The following KCNIP4 variants were observed in gnomAD, a reference collection of about 807,000 sequenced individuals.
KCNIP4 encodes Kv channel-interacting protein 4.
KCNIP4 carries 12 observed loss-of-function variants against 34.0 expected under a neutral mutation model. The ratio of observed to expected loss-of-function variants is 0.35; its 90% CI spans 0.23 to 0.57. The LOEUF is 0.57. Among genes scored for constraint, KCNIP4 ranks in the 20% least tolerant of loss-of-function variants. The pLI is 0.83. For synonymous variants in KCNIP4, 124 were observed against 102.2 expected (o/e 1.21, Z -1.29); for missense variants, 238 against 311.7 (o/e 0.76, Z 1.78).
At chr4:21,554,684 G>A (rs954992398) in intron 1 of KCNIP4, among the ~76,000 whole-genome samples, 4 of 151,954 alleles carry the variant, frequency 2.6e-5, no homozygotes, top group Admixed American at 6.6e-5. Flanking sequence ...CTTGTCCCTG[G>A]TTTGTGTCAC....
At chr4:20,822,351 A>G (rs940785297) in intron 3 of KCNIP4, among the ~76,000 whole-genome samples, 1 of 152,232 alleles carries the variant, frequency 6.6e-6, no homozygotes, top group African/African-American at 2.4e-5. Context: ...AGGGAAATGC[A>G]GACTAAAACC....
chr4:21,093,907 C>A (rs2109050733), intron 1 of KCNIP4, among the ~76,000 whole-genome samples: 1 of 152,016 alleles, frequency 6.6e-6, no homozygotes, highest in Non-Finnish European at 1.5e-5. Context: ...ACGGTTAAAC[C>A]CCATCTCTAC....
intron 1 of KCNIP4, among the ~76,000 whole-genome samples, chr4:21,390,686 T>C (rs978993639): frequency 2.1e-4 from 32 of 152,338 alleles, no homozygotes; most frequent in African/African-American, 7.7e-4. Flanking sequence ...ACCAGTACCA[T>C]GCTGTTTTGG....
intron 1 of KCNIP4, among the ~76,000 whole-genome samples, chr4:20,952,981 A>G (rs2149644030): frequency 6.6e-6 from 1 of 152,350 alleles, no homozygotes; most frequent in South Asian, 2.1e-4. Context: ...TAATAAGGGC[A>G]CTAATCCCAT....
chr4:21,535,228 T>C (rs780398770), intron 1 of KCNIP4, among the ~76,000 whole-genome samples: 5 of 152,212 alleles, frequency 3.3e-5, no homozygotes, highest in African/African-American at 9.7e-5. Context: ...CCAAAATCTA[T>C]AATTTTAATA....
At chr4:21,882,808 G>C (rs1031781855) in intron 1 of KCNIP4, among the ~76,000 whole-genome samples, 1 of 152,148 alleles carries the variant, frequency 6.6e-6, no homozygotes, top group Non-Finnish European at 1.5e-5. Flanking sequence ...ATCCATGAGT[G>C]ACTTTTCCTA....
intron 1 of KCNIP4, among the ~76,000 whole-genome samples, chr4:20,969,951 T>A (rs1734760294): frequency 6.6e-6 from 1 of 151,890 alleles, no homozygotes; most frequent in Admixed American, 6.6e-5. Context: ...CAGCAGTTTT[T>A]TTTTTTTTGA....
chr4:21,641,587 G>T (rs939455096), intron 1 of KCNIP4, among the ~76,000 whole-genome samples: 1 of 152,180 alleles, frequency 6.6e-6, no homozygotes, highest in African/African-American at 2.4e-5. Context: ...GAGGTATGTG[G>T]ATAGACATCT....
chr4:20,931,144 G>A (rs1202825780), intron 1 of KCNIP4, among the ~76,000 whole-genome samples: 1 of 151,382 alleles, frequency 6.6e-6, no homozygotes, highest in African/African-American at 2.4e-5. Context: ...CTAAGAGTCA[G>A]GTTGACAGAT....
intron 1 of KCNIP4, among the ~76,000 whole-genome samples, chr4:21,535,640 G>C (rs1737093814): frequency 6.6e-6 from 1 of 152,126 alleles, no homozygotes; most frequent in Admixed American, 6.5e-5. Flanking sequence ...TATTTCAATA[G>C]AGACAAGAAG....
intron 1 of KCNIP4, among the ~76,000 whole-genome samples, chr4:21,221,300 G>A (rs1046203085): frequency 3.9e-5 from 6 of 152,168 alleles, no homozygotes; most frequent in African/African-American, 1.4e-4. Context: ...GGAATGAAGT[G>A]AGAACATGTA....
At chr4:20,731,331 C>T (rs1331857132) in intron 8 of KCNIP4, 2 of 928,296 alleles carry the variant, frequency 2.2e-6, no homozygotes, top group Non-Finnish European at 2.6e-6. Context: ...GCCTCAGCCT[C>T]CCATAGTGCT....
intron 1 of KCNIP4, among the ~76,000 whole-genome samples, chr4:21,258,440 T>G (rs1174278917): frequency 6.6e-6 from 1 of 152,184 alleles, no homozygotes; most frequent in East Asian, 1.9e-4. Flanking sequence ...CGACCTTTTC[T>G]TTAATTGGAC....
chr4:21,389,459 C>A (rs1054071449), intron 1 of KCNIP4, among the ~76,000 whole-genome samples: 2 of 107,262 alleles, frequency 1.9e-5, no homozygotes, highest in Admixed American at 2.5e-4. Context: ...CCCCTCCCCC[C>A]ACCCCACAAC....
intron 1 of KCNIP4, among the ~76,000 whole-genome samples, chr4:21,029,756 G>T (rs188967153): frequency 2.6e-4 from 40 of 152,296 alleles, no homozygotes; most frequent in Non-Finnish European, 4.6e-4. Context: ...ATTATGGAAG[G>T]TGAGTGGCCC....
At chr4:21,017,096 T>A (rs992487432) in intron 1 of KCNIP4, among the ~76,000 whole-genome samples, 3 of 152,218 alleles carry the variant, frequency 2.0e-5, no homozygotes, top group African/African-American at 4.8e-5. Flanking sequence ...TATCACATCT[T>A]CATAGTGCTT....
intron 1 of KCNIP4, among the ~76,000 whole-genome samples, chr4:21,926,983 A>G (rs759934747): frequency 1.3e-5 from 2 of 152,190 alleles, no homozygotes; most frequent in Non-Finnish European, 2.9e-5. Flanking sequence ...CTGACACTGA[A>G]CTAAGACTAA....
chr4:21,120,010 A>G (rs1417176042), intron 1 of KCNIP4, among the ~76,000 whole-genome samples: 3 of 152,122 alleles, frequency 2.0e-5, no homozygotes, highest in Middle Eastern at 3.2e-3. Context: ...GAAGGGAAGA[A>G]TAGGAACCAT....
rs1716582669 is a variant in KCNIP4, at chr4:20,817,671, G to A, written c.288+32872C>T. Reference sequence around the variant, plus strand: ...TTTTCCTTGATTACAAGCTCTTTGAGGATCTTTTTTTTTTTTCTTTCCTGC... The same window carrying A: ...TTTTCCTTGATTACAAGCTCTTTGAAGATCTTTTTTTTTTTTCTTTCCTGC... On this transcript the variant is annotated intron_variant, in intron 3 of 8. Transcript: ENST00000382152. Among the ~76,000 whole-genome samples the A allele has an allele frequency of 5.3e-5, 8 of 149,874 alleles. No homozygotes were observed. In the South Asian group the frequency reaches 1.7e-3, roughly 32 times the overall value.
Sources: allele counts gnomAD v4.1 joint callset (sites outside exome capture counted in the v4.1 genomes callset), GRCh38; gene constraint gnomAD v4.1.1; transcripts MANE v1.5; gene names NCBI Gene and HGNC (gene_info 2026-07-23, HGNC 2026-07-21).